The following TTC17 variants were observed in gnomAD, a reference collection of about 807,000 sequenced individuals.
TTC17 encodes the protein tetratricopeptide repeat domain 17, also known as tetratricopeptide repeat protein 17.
TTC17 carries 58 observed loss-of-function variants against 143.8 expected under a neutral mutation model. The observed-to-expected ratio is 0.40, with a 90% CI of 0.33 to 0.50. The LOEUF (loss-of-function observed/expected upper bound fraction) is 0.50. TTC17 is among the 20% of genes least tolerant of loss of function. TTC17 has a pLI of 0.49. For missense variants in TTC17, 1,273 were observed against 1,392.5 expected (o/e 0.91, Z 1.37); for synonymous variants, 501 against 497.8 (o/e 1.01, Z -0.09).
chr11:43,467,916 G>GGAGA (rs1195806302), intron 21 of TTC17, among the ~76,000 whole-genome samples: 1 of 151,540 alleles, frequency 6.6e-6, no homozygotes, highest in Non-Finnish European at 1.5e-5. Context: ...CAGGAGAAGA[G>GGAGA]GAGAGAGAAC....
chr11:43,407,090 T>C (rs1858174714), intron 13 of TTC17, 48 bp from the exon 14 acceptor site: 1 of 1,331,088 alleles, frequency 7.5e-7, no homozygotes, highest in Non-Finnish European at 1.0e-6. Flanking sequence ...TTTTCAAATG[T>C]CTTCCCTGTT....
intron 1 of TTC17, among the ~76,000 whole-genome samples, chr11:43,366,212 C>G (rs1388383463): frequency 6.6e-6 from 1 of 151,960 alleles, no homozygotes; most frequent in African/African-American, 2.4e-5. Context: ...TTACTTCTTC[C>G]CATAGCTACT....
intron 1 of TTC17, among the ~76,000 whole-genome samples, chr11:43,361,744 C>CAATATTT (rs1401678758): frequency 6.6e-6 from 1 of 152,146 alleles, no homozygotes; most frequent in Non-Finnish European, 1.5e-5. Context: ...TTCTTGGTTA[C>CAATATTT]AATATTTGAA....
intron 11 of TTC17, among the ~76,000 whole-genome samples, chr11:43,405,272 C>T (rs1265567200): frequency 6.6e-6 from 1 of 152,044 alleles, no homozygotes; most frequent in African/African-American, 2.4e-5. Flanking sequence ...CAAGCCTCTT[C>T]TTGTGTCTCA....
intron 21 of TTC17, among the ~76,000 whole-genome samples, chr11:43,485,203 G>T (rs1482311285): frequency 6.6e-6 from 1 of 152,110 alleles, no homozygotes; most frequent in Non-Finnish European, 1.5e-5. Flanking sequence ...GTGCCAAAAA[G>T]GTTGGGGACC....
chr11:43,405,781 G>T lies in TTC17; in HGVS notation c.1596-5G>T. The T allele has an allele frequency of 6.2e-7, 1 of 1,612,396 alleles. No homozygotes were observed. Among genetic ancestry groups the T allele is most frequent in the Non-Finnish European group, 8.5e-7 (1 of 1,179,566 alleles). ...TATGAATCTTGTTCCTTTTTCTTGT[G>T]CCAGGATCCACGAACTCAGCAGTGA... is the stretch of plus-strand genomic sequence containing the variant. On this transcript the variant is annotated splice_region_variant and splice_polypyrimidine_tract_variant and intron_variant, in intron 12 of 23. Coordinates refer to ENST00000039989, the MANE Select transcript of TTC17 (RefSeq NM_018259.6).
chr11:43,384,009 G>A (rs1032187384), intron 2 of TTC17, among the ~76,000 whole-genome samples: 14 of 152,142 alleles, frequency 9.2e-5, no homozygotes, highest in African/African-American at 2.9e-4. Flanking sequence ...GCTGGGCATG[G>A]TGGCAGGCAC....
At chr11:43,394,488 A>G (rs946989516) in intron 5 of TTC17, among the ~76,000 whole-genome samples, 3 of 152,188 alleles carry the variant, frequency 2.0e-5, no homozygotes, top group African/African-American at 7.2e-5. Context: ...AGTAGTGGAA[A>G]TGAGAGGACT....
intron 1 of TTC17, among the ~76,000 whole-genome samples, chr11:43,369,269 T>C (rs1218737177): frequency 2.0e-5 from 3 of 152,200 alleles, no homozygotes; most frequent in Admixed American, 2.0e-4. Flanking sequence ...GCTTGTCAAT[T>C]AGGAGAATGG....
At chr11:43,439,789 C>T (rs560843616) in intron 16 of TTC17, among the ~76,000 whole-genome samples, 1 of 152,124 alleles carries the variant, frequency 6.6e-6, no homozygotes, top group African/African-American at 2.4e-5. Context: ...CATCTCTTAA[C>T]ACTTCTCCTA....
chr11:43,443,915 T>A, intron 17 of TTC17, 141 bp from the exon 18 acceptor site: 3 of 1,017,628 alleles, frequency 2.9e-6, no homozygotes, highest in Non-Finnish European at 4.3e-6. Flanking sequence ...AACCATTTTT[T>A]ATTTAGGTCT....
intron 18 of TTC17, chr11:43,446,116 C>A: frequency 7.0e-7 from 1 of 1,428,456 alleles, no homozygotes; most frequent in South Asian, 1.5e-5. Flanking sequence ...CCCTTTACAG[C>A]CCGCCTCTGT....
chr11:43,481,803 A>AT (rs368080442), intron 21 of TTC17, among the ~76,000 whole-genome samples: 12 of 150,900 alleles, frequency 8.0e-5, no homozygotes, highest in East Asian at 2.0e-4. Flanking sequence ...AATTTTATTG[A>AT]TTTTTTTTGT....
chr11:43,388,580 G>A (rs775934189), intron 2 of TTC17, among the ~76,000 whole-genome samples: 1 of 150,918 alleles, frequency 6.6e-6, no homozygotes, highest in African/African-American at 2.4e-5. Context: ...GTCTTATGCC[G>A]GTAGTCCCAA....
intron 15 of TTC17, among the ~76,000 whole-genome samples, chr11:43,414,056 A>G (rs1315162932): frequency 6.6e-6 from 1 of 152,230 alleles, no homozygotes; most frequent in Non-Finnish European, 1.5e-5. Context: ...CGGATGAACA[A>G]GCTGTGGTGT....
intron 9 of TTC17, among the ~76,000 whole-genome samples, chr11:43,400,709 G>T (rs1305654834): frequency 1.3e-5 from 2 of 152,134 alleles, no homozygotes; most frequent in Non-Finnish European, 1.5e-5. Context: ...TGGGAAGAGG[G>T]TATCTAGCTT....
chr11:43,485,883 G>GTTTT (rs751026290), intron 21 of TTC17, among the ~76,000 whole-genome samples: 4 of 112,614 alleles, frequency 3.6e-5, no homozygotes, highest in East Asian at 2.8e-4. Context: ...TTGGTTTTTT[G>GTTTT]TTTTTTTTTT....
rs137988522 is a variant in TTC17, at chr11:43,449,884, G to A, written c.2787-198G>A. The A allele has an allele frequency of 8.0e-3, 4,753 of 595,754 alleles. 30 individuals carry two copies. Among genetic ancestry groups the A allele is most frequent in the Non-Finnish European group, 9.7e-3 (3,395 of 349,092 alleles). The allele number at this position is 595,754 out of a possible 1,614,324, so 36.9% of individuals were successfully genotyped here. On this transcript the variant is annotated intron_variant, in intron 19 of 23. Coordinates refer to ENST00000039989, the MANE Select transcript of TTC17 (RefSeq NM_018259.6). ...AACTAAAAGATATAACTAGTTGTGG[G>A]TATTTATCACCACTTATATCTTGGA...
intron 3 of TTC17, among the ~76,000 whole-genome samples, chr11:43,390,615 CA>C (rs1156489668): frequency 1.6e-5 from 2 of 126,670 alleles, no homozygotes; most frequent in Admixed American, 8.2e-5. Context: ...GACTCCGTCT[CA>C]AAAAAAATAA....
Sources: gnomAD v4.1 joint callset for allele counts (sites outside exome capture counted in the v4.1 genomes callset) on GRCh38, gnomAD v4.1.1 for gene constraint, MANE v1.5 for transcripts, NCBI Gene and HGNC (gene_info 2026-07-23, HGNC 2026-07-21) for gene names.